NRG1: variants seen among roughly 807,000 people sequenced by gnomAD.
NRG1 encodes the protein neuregulin 1, also known as pro-neuregulin-1, membrane-bound isoform.
Under a neutral mutation model 63.8 loss-of-function variants are expected in NRG1, and 18 were observed. The observed-to-expected ratio is 0.28, with a 90% CI of 0.19 to 0.42. The LOEUF (loss-of-function observed/expected upper bound fraction) is 0.42. Among genes scored for constraint, NRG1 ranks in the 10% least tolerant of loss-of-function variants. NRG1 has a pLI of 1.00. For missense variants in NRG1, 762 were observed against 814.7 expected, an observed-to-expected ratio of 0.94 and a Z score of 0.79; for synonymous variants, 302 against 301.3, an observed-to-expected ratio of 1.00 and a Z score of -0.02.
intron 1 of NRG1, among the ~76,000 whole-genome samples, chr8:31,814,255 T>C (rs779334588): frequency 1.8e-4 from 28 of 152,220 alleles, no homozygotes; most frequent in Non-Finnish European, 2.8e-4. Context: ...TTGTCATCTC[T>C]AGCTACCTGG....
intron 1 of NRG1, among the ~76,000 whole-genome samples, chr8:31,652,868 T>TTC (rs1338748326): frequency 6.6e-6 from 1 of 151,752 alleles, no homozygotes; most frequent in Non-Finnish European, 1.5e-5. Flanking sequence ...TCTTTTCTCT[T>TTC]TCTCTCTCTC....
At chr8:31,780,941 G>A (rs189723195) in intron 1 of NRG1, among the ~76,000 whole-genome samples, 197 of 152,186 alleles carry the variant, frequency 1.3e-3, no homozygotes, top group Non-Finnish European at 2.3e-3. Context: ...ATATTCTACC[G>A]ACAATTGAGT....
At chr8:31,697,641 C>T (rs969379592) in intron 1 of NRG1, among the ~76,000 whole-genome samples, 2 of 152,066 alleles carry the variant, frequency 1.3e-5, no homozygotes, top group Non-Finnish European at 2.9e-5. Flanking sequence ...TTTTGGAGGG[C>T]CCTCCTTTTG....
chr8:32,760,522 C>T, intron 11 of NRG1, 116 bp downstream of exon 11: 1 of 1,529,840 alleles, frequency 6.5e-7, no homozygotes, highest in South Asian at 1.3e-5. Flanking sequence ...GCGGCAGTTA[C>T]CTGTTCTAGG....
At chr8:32,679,530 C>T (rs898674072) in intron 5 of NRG1, among the ~76,000 whole-genome samples, 2 of 152,120 alleles carry the variant, frequency 1.3e-5, no homozygotes, top group East Asian at 1.9e-4. Context: ...TACCCTAATA[C>T]GTAACAAAGT....
intron 1 of NRG1, among the ~76,000 whole-genome samples, chr8:32,436,568 A>G (rs1479563772): frequency 1.3e-5 from 2 of 152,240 alleles, no homozygotes; most frequent in East Asian, 1.9e-4. Flanking sequence ...TTCATCTTCA[A>G]TTGCTAAATT....
At chr8:32,702,905 C>T (rs1004972264) in intron 5 of NRG1, among the ~76,000 whole-genome samples, 30 of 152,096 alleles carry the variant, frequency 2.0e-4, no homozygotes, top group African/African-American at 7.2e-4. Context: ...CCATTTTTGT[C>T]TTTCACTCTT....
chr8:31,818,107 TA>T (rs887255088), intron 1 of NRG1, among the ~76,000 whole-genome samples: 7 of 151,044 alleles, frequency 4.6e-5, no homozygotes, highest in Admixed American at 1.3e-4. Context: ...ATCAAGCCTC[TA>T]AAAAAAAAGA....
At chr8:31,832,173 G>A (rs954492216) in intron 1 of NRG1, among the ~76,000 whole-genome samples, 1 of 151,888 alleles carries the variant, frequency 6.6e-6, no homozygotes, top group Non-Finnish European at 1.5e-5. Context: ...ACTAAAAAGA[G>A]CATTTTTAAA....
chr8:32,041,105 A>G (rs949967700), intron 1 of NRG1, among the ~76,000 whole-genome samples: 1 of 152,092 alleles, frequency 6.6e-6, no homozygotes, highest in African/African-American at 2.4e-5. Flanking sequence ...TAACTTCATT[A>G]TGTAGAAGCT....
At chr8:32,446,406 G>A (rs1820249809) in intron 1 of NRG1, among the ~76,000 whole-genome samples, 1 of 152,162 alleles carries the variant, frequency 6.6e-6, no homozygotes. Context: ...TGTAATCTCA[G>A]CACTTTGGGA....
At chr8:32,056,945 G>A (rs1193581834) in intron 1 of NRG1, among the ~76,000 whole-genome samples, 3 of 152,176 alleles carry the variant, frequency 2.0e-5, no homozygotes, top group Non-Finnish European at 4.4e-5. Flanking sequence ...TTTAGCATTA[G>A]TGAGTAGACT....
At position 32,508,579 on chromosome 8, in the gene NRG1, G is replaced by A. The variant is rs571856208; in HGVS notation, c.38-87249G>A. Reference sequence around the variant, plus strand: ...CCCAAAGTTCTGGGATTACAGGCGTGAGCCACCGCGCCTGGCCTAAGGGCT... The same window carrying A: ...CCCAAAGTTCTGGGATTACAGGCGTAAGCCACCGCGCCTGGCCTAAGGGCT... On this transcript the variant is annotated intron_variant, in intron 1 of 10. Coordinates refer to the NRG1 transcript ENST00000519301. 1.3e-4 allele frequency among the ~76,000 whole-genome samples: 20 copies of A among 152,166 alleles called. No individual in the cohort carries two copies. The East Asian group carries it at 3.9e-3, about 29-fold the overall frequency.
chr8:32,066,813 T>C (rs1310451263), intron 1 of NRG1, among the ~76,000 whole-genome samples: 2 of 152,244 alleles, frequency 1.3e-5, no homozygotes, highest in South Asian at 2.1e-4. Context: ...ATTCTTCCTA[T>C]CCATGAGCAT....
At chr8:31,834,321 A>ACACACACACG (rs1221343305) in intron 1 of NRG1, among the ~76,000 whole-genome samples, 6 of 149,776 alleles carry the variant, frequency 4.0e-5, no homozygotes, top group African/African-American at 1.5e-4. Context: ...ACACACACAC[A>ACACACACACG]CACACACACG....
chr8:32,286,762 C>T (rs565542685), intron 1 of NRG1, among the ~76,000 whole-genome samples: 7 of 152,150 alleles, frequency 4.6e-5, no homozygotes, highest in Admixed American at 2.6e-4. Flanking sequence ...ACTTAGAGGC[C>T]GAGGCAGGTG....
intron 1 of NRG1, among the ~76,000 whole-genome samples, chr8:31,763,431 G>A (rs571595986): frequency 2.0e-5 from 3 of 152,296 alleles, no homozygotes; most frequent in African/African-American, 4.8e-5. Context: ...GCATCTACAA[G>A]CTGGGTCCAC....
chr8:31,893,789 GGACA>G (rs1831340105), intron 1 of NRG1, among the ~76,000 whole-genome samples: 1 of 151,758 alleles, frequency 6.6e-6, no homozygotes, highest in South Asian at 2.1e-4. Flanking sequence ...TAACACTTTT[GGACA>G]GCATTTTTAG....
chr8:31,898,779 G>A (rs186691473), intron 1 of NRG1, among the ~76,000 whole-genome samples: 1 of 152,318 alleles, frequency 6.6e-6, no homozygotes, highest in Non-Finnish European at 1.5e-5. Flanking sequence ...TGATGGGACA[G>A]TGGCTGCCTA....
Sources: gnomAD v4.1 joint callset for allele counts (sites outside exome capture counted in the v4.1 genomes callset) on GRCh38, gnomAD v4.1.1 for gene constraint, MANE v1.5 for transcripts, NCBI Gene and HGNC (gene_info 2026-07-23, HGNC 2026-07-21) for gene names.